The following NNT variants were observed in gnomAD, a reference collection of about 807,000 sequenced individuals.
NNT encodes NAD(P) transhydrogenase, mitochondrial.
NNT carries 50 observed loss-of-function variants against 104.8 expected under a neutral mutation model. The observed-to-expected ratio is 0.48, with a 90% CI of 0.38 to 0.60. NNT has a LOEUF of 0.60. NNT is among the 20% of genes least tolerant of loss of function. The pLI, the probability that NNT is intolerant of heterozygous loss-of-function variation, is 0.00. For missense variants in NNT, 1,131 were observed against 1,330.7 expected, an observed-to-expected ratio of 0.85 and a Z score of 2.33; for synonymous variants, 461 against 490.4, an observed-to-expected ratio of 0.94 and a Z score of 0.79.
rs747616821 is a variant in NNT, at chr5:43,675,682, A to G, written c.2794+12A>G. 8.2e-6 allele frequency: 13 copies of G among 1,579,138 alleles called. No homozygotes were observed. In the African/African-American group the frequency reaches 1.5e-4, roughly 18 times the overall value. ...TATTATTACACCAGGTAAAGAAAAA[A>G]AGCAAAAGCAAATAACCTATAATAG... On this transcript the variant is annotated intron_variant, in intron 18 of 21. Coordinates refer to ENST00000344920, the MANE Select transcript of NNT (RefSeq NM_182977.3).
intron 19 of NNT, among the ~76,000 whole-genome samples, chr5:43,682,607 C>T (rs191363280): frequency 6.6e-6 from 1 of 152,274 alleles, no homozygotes; most frequent in East Asian, 1.9e-4. Context: ...AGAGTCAAGG[C>T]TTGCAAATTG....
chr5:43,653,093 G>A lies in NNT; in HGVS notation c.1939G>A (p.Gly647Ser). The change falls in exon 14 of 22, where the codon GGC becomes AGC. Residue 647 changes from glycine (G) to serine (S), a missense_variant. Transcript: ENST00000344920. The stretch of plus-strand genomic sequence containing the variant: ...CTCCACCCAGGGAACAGCACGTCTT[G>A]GCAATGCACTGGGCATGATTGGGGT... Reference protein sequence around the residue: ...GLSTQGTARLGNALGMIGVAG... With the variant: ...GLSTQGTARLSNALGMIGVAG... 6.2e-7 allele frequency: 1 copy of A among 1,614,080 alleles called. No homozygotes were observed. Among genetic ancestry groups the A allele is most frequent in the Non-Finnish European group, 8.5e-7 (1 of 1,180,018 alleles).
Position 43,656,814 on chromosome 5 carries a change from G to T in NNT, c.2454+1G>T. 3.1e-6 allele frequency: 5 copies of T among 1,607,346 alleles called. No homozygotes were observed. Among genetic ancestry groups the T allele is most frequent in the Non-Finnish European group, 4.2e-6 (5 of 1,178,048 alleles). On this transcript the variant is annotated splice_donor_variant, in intron 16 of 21. Coordinates refer to ENST00000344920, the MANE Select transcript of NNT (RefSeq NM_182977.3). LOFTEE classifies it high-confidence loss of function. ...AGTGTCTGCTCTCTCTGCTGTCATG[G>T]TAAGAAGTCAGAGATTGAAAAGTAC...
At chr5:43,663,169 A>G (rs1053211236) in intron 17 of NNT, among the ~76,000 whole-genome samples, 4 of 152,112 alleles carry the variant, frequency 2.6e-5, no homozygotes, top group African/African-American at 9.7e-5. Flanking sequence ...ACCATAGTCT[A>G]TTTATTCAAA....
chr5:43,625,612 A>C lies in NNT; in HGVS notation c.776+1492A>C, dbSNP rs117507220. On this transcript the variant is annotated intron_variant, in intron 6 of 21. Coordinates refer to ENST00000344920, the MANE Select transcript of NNT (RefSeq NM_182977.3). Reference sequence around the variant, plus strand: ...TGTATTTTCAGTTAAATATCCTAAAAACTTACAGACAGCTCATTGCCCAAT... The same window carrying C: ...TGTATTTTCAGTTAAATATCCTAAACACTTACAGACAGCTCATTGCCCAAT... 4.9e-3 allele frequency among the ~76,000 whole-genome samples: 740 copies of C among 152,240 alleles called. 26 individuals are homozygous for C. The East Asian group carries it at 0.094, about 19-fold the overall frequency.
Position 43,651,692 on chromosome 5 carries a change from T to G in NNT, c.1718-47T>G, listed in dbSNP as rs1561291545. The G allele has an allele frequency of 3.9e-5, 62 of 1,596,798 alleles. 1 individual carries two copies. Among genetic ancestry groups the G allele is most frequent in the Non-Finnish European group, 4.5e-5 (53 of 1,167,820 alleles). Reference sequence around the variant, plus strand: ...CACTTTAAAAAATCATGTTGCTCAGTGAGCTCAAAGAGGTACTATGTTTTT... The same window carrying G: ...CACTTTAAAAAATCATGTTGCTCAGGGAGCTCAAAGAGGTACTATGTTTTT... On this transcript the variant is annotated intron_variant, in intron 12 of 21. Coordinates refer to ENST00000344920, the MANE Select transcript of NNT (RefSeq NM_182977.3).
rs1451047493 is a variant in NNT at position 43,705,078 on chromosome 5, C to T, written c.*674C>T. The stretch of plus-strand genomic sequence containing the variant: ...ATGTTTCATTAGAATACCAATGAAA[C>T]ATACAACTTGAAAATTAGTAATAGT... On this transcript the variant is annotated 3_prime_UTR_variant, in exon 22 of 22. Coordinates refer to ENST00000344920, the MANE Select transcript of NNT (RefSeq NM_182977.3). 6.6e-6 allele frequency: 1 copy of T among 152,054 alleles called. No homozygotes were observed. The highest frequency in any genetic ancestry group is 1.5e-5 in the Non-Finnish European group (1 of 67,992). The allele number at this position is 152,054 out of a possible 1,614,324, so 9.4% of individuals were successfully genotyped here.
chr5:43,613,033 T>C lies in NNT; in HGVS notation c.277T>C (p.Ser93Pro). The C allele has an allele frequency of 3.1e-6, 5 of 1,614,128 alleles. No homozygotes were observed. Among genetic ancestry groups the C allele is most frequent in the Non-Finnish European group, 4.2e-6 (5 of 1,180,032 alleles). Residue 93 changes from serine (S) to proline (P), a missense_variant, in exon 3 of 22, where the codon TCG becomes CCG. By Grantham distance (74) the Ser-to-Pro change is moderately conservative. Transcript: ENST00000344920. ...GCAGGGTTTTAATGTTGTCGTGGAA[T>C]CGGGTGCGGGCGAAGCTTCCAAGTT... ...VKQGFNVVVE[S>P]GAGEASKFSD...
At chr5:43,672,799 T>C (rs1371018377) in intron 17 of NNT, among the ~76,000 whole-genome samples, 2 of 152,192 alleles carry the variant, frequency 1.3e-5, no homozygotes, top group Non-Finnish European at 2.9e-5. Flanking sequence ...GAACCACTAC[T>C]CTCTTCAAAG....
intron 7 of NNT, among the ~76,000 whole-genome samples, chr5:43,634,390 G>T (rs1446865565): frequency 6.6e-6 from 1 of 152,174 alleles, no homozygotes; most frequent in Non-Finnish European, 1.5e-5. Flanking sequence ...CTCTCTAGTT[G>T]TGTAATTCCA....
intron 7 of NNT, among the ~76,000 whole-genome samples, chr5:43,639,065 T>G (rs1200804429): frequency 6.6e-6 from 1 of 152,130 alleles, no homozygotes; most frequent in Non-Finnish European, 1.5e-5. Flanking sequence ...TCTTTTTGAA[T>G]TTAGTGCTGT....
chr5:43,687,063 C>T (rs1742026702), intron 19 of NNT, among the ~76,000 whole-genome samples: 1 of 152,144 alleles, frequency 6.6e-6, no homozygotes, highest in South Asian at 2.1e-4. Flanking sequence ...CCTTCTCTCT[C>T]TTGAATGGAG....
At chr5:43,642,396 T>C (rs1245722916) in intron 7 of NNT, among the ~76,000 whole-genome samples, 1 of 152,094 alleles carries the variant, frequency 6.6e-6, no homozygotes, top group Non-Finnish European at 1.5e-5. Context: ...CATGGTTGAG[T>C]AAAGTTTAGT....
intron 2 of NNT, among the ~76,000 whole-genome samples, chr5:43,610,844 C>G (rs903368342): frequency 6.6e-6 from 1 of 152,100 alleles, no homozygotes; most frequent in African/African-American, 2.4e-5. Flanking sequence ...GTGAGTAAAT[C>G]CATGGACATC....
At chr5:43,625,562 A>G (rs1271218061) in intron 6 of NNT, among the ~76,000 whole-genome samples, 1 of 152,094 alleles carries the variant, frequency 6.6e-6, no homozygotes, top group Non-Finnish European at 1.5e-5. Context: ...TTGATTTTAA[A>G]TTCTTGTTGG....
rs1749750700 is a variant in NNT at position 43,615,734 on chromosome 5, A to G, written c.382-114A>G. ...TTTAGTCAGAAATTATTGATGGAAG[A>G]TTTATTTCTGGAGTATTATTTCAGT... On this transcript the variant is annotated intron_variant, in intron 3 of 21. Coordinates refer to ENST00000344920, the MANE Select transcript of NNT (RefSeq NM_182977.3). 1.1e-5 allele frequency: 9 copies of G among 822,918 alleles called. No individual in the cohort carries two copies. The South Asian group carries it at 1.7e-4, about 16-fold the overall frequency. The allele number at this position is 822,918 out of a possible 1,614,324, so 51.0% of individuals were successfully genotyped here.
chr5:43,634,208 T>C (rs145330993), intron 7 of NNT, among the ~76,000 whole-genome samples: 3 of 152,198 alleles, frequency 2.0e-5, no homozygotes, highest in Non-Finnish European at 4.4e-5. Context: ...TTTCCTCCAA[T>C]ATGCAAGTTC....
chr5:43,671,702 T>C (rs964729848), intron 17 of NNT, among the ~76,000 whole-genome samples: 9 of 152,234 alleles, frequency 5.9e-5, no homozygotes, highest in African/African-American at 2.2e-4. Context: ...CCTTTCTTTC[T>C]GGCTGCCCTT....
chr5:43,603,802 G>C (rs540549987), intron 1 of NNT, among the ~76,000 whole-genome samples: 55 of 152,170 alleles, frequency 3.6e-4, no homozygotes, highest in African/African-American at 1.0e-3. Flanking sequence ...GAGGGTGTCC[G>C]GCTGGGGACA....
Sources: gnomAD v4.1 joint callset for allele counts (sites outside exome capture counted in the v4.1 genomes callset) on GRCh38, gnomAD v4.1.1 for gene constraint, MANE v1.5 for transcripts, NCBI Gene and HGNC (gene_info 2026-07-23, HGNC 2026-07-21) for gene names.